Variants in KIF2B observed in about 807,000 individuals in gnomAD.
The protein encoded by KIF2B is kinesin-like protein KIF2B.
KIF2B carries 5 observed loss-of-function variants against 6.8 expected under a neutral mutation model. The observed-to-expected ratio is 0.74, with a 90% CI of 0.39 to 1.55. The LOEUF (loss-of-function observed/expected upper bound fraction) is 1.55. KIF2B is among the 40% of genes most tolerant of loss of function. The probability of loss-of-function intolerance (pLI) is 0.03; values close to 1 mark genes in which losing one functional copy is unlikely to be tolerated. For missense variants in KIF2B, 908 were observed against 831.3 expected, an observed-to-expected ratio of 1.09 and a Z score of -1.13; for synonymous variants, 370 against 330.7, an observed-to-expected ratio of 1.12 and a Z score of -1.29.
rs755087980 is a variant in KIF2B at position 53,823,402 on chromosome 17, C to T, written c.369C>T (p.Asn123=). ...GGGTTGCGATGATCCCCCAGAAAAACCAAACAGCCTCAGGGGACAGCCTGG... is the reference window on the plus strand; with the variant it reads ...GGGTTGCGATGATCCCCCAGAAAAATCAAACAGCCTCAGGGGACAGCCTGG... ...TKWVAMIPQK[N]QTASGDSLDV... Residue 123 remains asparagine (N), a synonymous_variant, in exon 1 of 1, where the codon AAC becomes AAT. Coordinates refer to ENST00000268919, the MANE Select transcript of KIF2B (RefSeq NM_032559.5). 22 of 1,613,972 alleles carry T rather than the reference C, an allele frequency of 1.4e-5. No homozygotes were observed. The highest frequency in any genetic ancestry group is 1.8e-5 in the Non-Finnish European group (21 of 1,180,028).
rs114241810 is a variant in KIF2B at position 53,824,687 on chromosome 17, C to G, written c.1654C>G (p.Arg552Gly). ...AAATGTAGATGTAAGGCCCTACCAT[C>G]GTGGCCACTATCCGATTGGACATGA... ...KLNVDVRPYH[R>G]GHYPIGHEAP... Residue 552 changes from arginine (R) to glycine (G), a missense_variant, in exon 1 of 1, where the codon CGT becomes GGT. Physicochemically the swap from Arg to Gly is moderately radical, Grantham distance 125. Coordinates refer to ENST00000268919, the MANE Select transcript of KIF2B (RefSeq NM_032559.5). 28 of 1,613,980 alleles carry G rather than the reference C, an allele frequency of 1.7e-5. No individual in the cohort carries two copies. The African/African-American group carries it at 3.3e-4, about 19-fold the overall frequency.
Position 53,824,112 on chromosome 17 carries a change from A to G in KIF2B, c.1079A>G (p.Tyr360Cys), listed in dbSNP as rs2143783609. ...GTCTATGGGACATTTTTTGAGATTT[A>G]TGGGGGCAAGGTGTATGATTTGTTG... The part of the protein sequence containing the change: ...LKVYGTFFEI[Y>C]GGKVYDLLNW... Residue 360 changes from tyrosine to cysteine, a missense_variant, in exon 1 of 1, where the codon TAT becomes TGT. Tyr to Cys is a radical substitution (Grantham distance 194). Coordinates refer to ENST00000268919, the MANE Select transcript of KIF2B (RefSeq NM_032559.5). 1.2e-6 allele frequency: 2 copies of G among 1,614,132 alleles called. No homozygotes were observed. Among genetic ancestry groups the G allele is most frequent in the Non-Finnish European group, 1.7e-6 (2 of 1,180,022 alleles).
At position 53,825,146 on chromosome 17, in the gene KIF2B, C is replaced by A; in HGVS notation, c.*91C>A. 1.2e-6 allele frequency: 1 copy of A among 835,306 alleles called. No individual in the cohort carries two copies. Among genetic ancestry groups the A allele is most frequent in the Non-Finnish European group, 1.9e-6 (1 of 528,830 alleles). The allele number at this position is 835,306 out of a possible 1,614,324, so 51.7% of individuals were successfully genotyped here. A position where few individuals can be genotyped will look rare whatever the true frequency, so the allele number is the denominator to read the frequency against. On this transcript the variant is annotated 3_prime_UTR_variant, in exon 1 of 1. Coordinates refer to ENST00000268919, the MANE Select transcript of KIF2B (RefSeq NM_032559.5). ...AAAACTGTCCAAATTATCTAAAGAT[C>A]CTCCTGAGAAGCTTAAAACATCTTA...
rs1906520042 is a variant in KIF2B, at chr17:53,824,793, T to C, written c.1760T>C (p.Val587Ala). The change falls in exon 1 of 1, where the codon GTA becomes GCA. Residue 587 changes from valine to alanine, a missense_variant. Transcript: ENST00000268919. ...QRDEFIKIPY[V>A]QSEEQKEIEE... ...GATGAATTTATTAAAATACCTTATG[T>C]ACAGAGTGAGGAGCAGAAAGAGATT... 1 of 1,614,044 alleles carries C rather than the reference T, an allele frequency of 6.2e-7. No homozygotes were observed. Among genetic ancestry groups the C allele is most frequent in the African/African-American group, 1.3e-5 (1 of 75,042 alleles).
rs780099410 is a variant in KIF2B, at chr17:53,823,391, C to T, written c.358C>T (p.Pro120Ser). The T allele has an allele frequency of 1.9e-6, 3 of 1,614,086 alleles. No homozygotes were observed. In the South Asian group the frequency reaches 3.3e-5, roughly 18 times the overall value. The change falls in exon 1 of 1, where the codon CCC becomes TCC. Residue 120 changes from proline to serine, a missense_variant. Pro to Ser is a moderately conservative substitution (Grantham distance 74). Transcript: ENST00000268919. Reference protein sequence around the residue: ...RTATKWVAMIPQKNQTASGDS... With the variant: ...RTATKWVAMISQKNQTASGDS... ...CGCCACGAAATGGGTTGCGATGATC[C>T]CCCAGAAAAACCAAACAGCCTCAGG...
In KIF2B at chr17:53,824,738, A is replaced by G. The variant is rs1906518192; in HGVS notation, c.1705A>G (p.Ile569Val). The change falls in exon 1 of 1, where the codon ATC becomes GTC. Residue 569 changes from isoleucine to valine, a missense_variant. Transcript: ENST00000268919. ...HEAPRMLKSH[I>V]GNSEMSLQRD... ...GGCACCAAGGATGTTAAAAAGTCACATCGGAAATTCAGAAATGTCCCTTCA... is the reference window on the plus strand; with the variant it reads ...GGCACCAAGGATGTTAAAAAGTCACGTCGGAAATTCAGAAATGTCCCTTCA... The G allele has an allele frequency of 6.2e-7, 1 of 1,614,114 alleles. No individual in the cohort carries two copies. Among genetic ancestry groups the G allele is most frequent in the Non-Finnish European group, 8.5e-7 (1 of 1,180,052 alleles).
rs1906517522 is a variant in KIF2B, at chr17:53,824,718, C to A, written c.1685C>A (p.Pro562Gln). The change falls in exon 1 of 1, where the codon CCA becomes CAA. Residue 562 changes from proline to glutamine, a missense_variant. Pro to Gln is a moderately conservative substitution (Grantham distance 76, BLOSUM62 -1). Transcript: ENST00000268919. ...CACTATCCGATTGGACATGAGGCACCAAGGATGTTAAAAAGTCACATCGGA... is the reference window on the plus strand; with the variant it reads ...CACTATCCGATTGGACATGAGGCACAAAGGATGTTAAAAAGTCACATCGGA... ...RGHYPIGHEAPRMLKSHIGNS... is the reference protein window; with the variant it reads ...RGHYPIGHEAQRMLKSHIGNS... 6.2e-7 allele frequency: 1 copy of A among 1,614,122 alleles called. No homozygotes were observed. The highest frequency in any genetic ancestry group is 1.7e-5 in the Admixed American group (1 of 60,016).
Position 53,823,202 on chromosome 17 carries a change from A to G in KIF2B, c.169A>G (p.Thr57Ala), listed in dbSNP as rs1906448602. The G allele has an allele frequency of 6.2e-7, 1 of 1,614,072 alleles. No individual in the cohort carries two copies. Among genetic ancestry groups the G allele is most frequent in the Non-Finnish European group, 8.5e-7 (1 of 1,180,050 alleles). The part of the protein sequence containing the change: ...TEINRENYWV[T>A]VEWVEKAVKK... ...GATCAACAGAGAAAACTATTGGGTC[A>G]CGGTAGAGTGGGTGGAGAAAGCAGT... The change falls in exon 1 of 1, where the codon ACG (threonine) becomes GCG (alanine). Residue 57 changes from threonine (T) to alanine (A), a missense_variant. Transcript: ENST00000268919.
Position 53,824,143 on chromosome 17 carries a change from G to A in KIF2B, c.1110G>A (p.Trp370Ter), listed in dbSNP as rs1278161037. ...YGGKVYDLLN[W>*]KKKLQVLEDG... ...GCAAGGTGTATGATTTGTTGAACTG[G>A]AAGAAGAAGCTGCAAGTCCTTGAGG... The change falls in exon 1 of 1, where the codon TGG becomes TGA. Residue 370 changes from tryptophan to a stop codon, truncating the protein, a stop_gained. Transcript: ENST00000268919. LOFTEE classifies it low-confidence loss of function (END_TRUNC). 1 of 1,614,230 alleles carries A rather than the reference G, an allele frequency of 6.2e-7. No homozygotes were observed. The highest frequency in any genetic ancestry group is 8.5e-7 in the Non-Finnish European group (1 of 1,180,036).
Position 53,824,488 on chromosome 17 carries a change from G to A in KIF2B, c.1455G>A (p.Leu485=). ...LLALKECILA[L]GQNKPHTPFR... ...CCCTCAAAGAATGTATTCTGGCTTTGGGTCAGAACAAGCCTCACACCCCAT... is the reference window on the plus strand; with the variant it reads ...CCCTCAAAGAATGTATTCTGGCTTTAGGTCAGAACAAGCCTCACACCCCAT... Residue 485 remains leucine, a synonymous_variant, in exon 1 of 1, where the codon TTG becomes TTA. Transcript: ENST00000268919. The A allele has an allele frequency of 1.2e-6, 2 of 1,614,110 alleles. No homozygotes were observed. The highest frequency in any genetic ancestry group is 4.5e-5 in the East Asian group (2 of 44,866).
At position 53,824,806 on chromosome 17, in the gene KIF2B, G is replaced by A. The variant is rs1906520671; in HGVS notation, c.1773G>A (p.Glu591=). The part of the protein sequence containing the change: ...FIKIPYVQSE[E]QKEIEEVETL... ...AAATACCTTATGTACAGAGTGAGGA[G>A]CAGAAAGAGATTGAAGAGGTTGAAA... The change falls in exon 1 of 1, where the codon GAG becomes GAA. Residue 591 remains glutamate (E), a synonymous_variant. Transcript: ENST00000268919. 3 of 1,613,818 alleles carry A rather than the reference G, an allele frequency of 1.9e-6. No homozygotes were observed. The highest frequency in any genetic ancestry group is 2.5e-6 in the Non-Finnish European group (3 of 1,179,902).
In KIF2B at chr17:53,823,351, C is replaced by A. The variant is rs1348785109; in HGVS notation, c.318C>A (p.Ile106=). Reference sequence around the variant, plus strand: ...TGGCTCTGGCGCCCTCTTCGGCCATCAGGGACCAGCGTACCGCCACGAAAT... The same window carrying A: ...TGGCTCTGGCGCCCTCTTCGGCCATAAGGGACCAGCGTACCGCCACGAAAT... ...SPLALAPSSA[I]RDQRTATKWV... The change falls in exon 1 of 1, where the codon ATC becomes ATA. Residue 106 remains isoleucine (I), a synonymous_variant. Coordinates refer to ENST00000268919, the MANE Select transcript of KIF2B (RefSeq NM_032559.5). The A allele has an allele frequency of 6.2e-7, 1 of 1,614,112 alleles. No homozygotes were observed. Among genetic ancestry groups the A allele is most frequent in the Non-Finnish European group, 8.5e-7 (1 of 1,180,028 alleles).
Position 53,824,974 on chromosome 17 carries a change from G to T in KIF2B, c.1941G>T (p.Gln647His). The T allele has an allele frequency of 6.2e-7, 1 of 1,614,068 alleles. No homozygotes were observed. The highest frequency in any genetic ancestry group is 8.5e-7 in the Non-Finnish European group (1 of 1,180,028). Residue 647 changes from glutamine (Q) to histidine (H), a missense_variant, in exon 1 of 1, where the codon CAG (glutamine) becomes CAT (histidine). By Grantham distance (24) the Gln-to-His change is conservative. Transcript: ENST00000268919. The stretch of plus-strand genomic sequence containing the variant: ...CCCGGTCTTTGTCCATTTTGGAGCA[G>T]AAAATTGATGCTCTGACCGAGATCC... The part of the protein sequence containing the change: ...CIARSLSILE[Q>H]KIDALTEIQK...
rs200288749 is a variant in KIF2B, at chr17:53,824,318, T to A, written c.1285T>A (p.Phe429Ile). The A allele has an allele frequency of 1.9e-6, 3 of 1,614,120 alleles. No homozygotes were observed. Among genetic ancestry groups the A allele is most frequent in the Non-Finnish European group, 2.5e-6 (3 of 1,180,024 alleles). Residue 429 changes from phenylalanine (F) to isoleucine (I), a missense_variant, in exon 1 of 1, where the codon TTC becomes ATC. Phe to Ile is a conservative substitution (Grantham distance 21, BLOSUM62 0). Transcript: ENST00000268919. ...TCACTCATCCAGGAGCCATGCAGTGTTCCAGATCATCCTGAAGTCAGGACG... is the reference window on the plus strand; with the variant it reads ...TCACTCATCCAGGAGCCATGCAGTGATCCAGATCATCCTGAAGTCAGGACG... ...NAHSSRSHAV[F>I]QIILKSGRIM...
At position 53,823,253 on chromosome 17, in the gene KIF2B, G is replaced by C. The variant is rs1402064719; in HGVS notation, c.220G>C (p.Glu74Gln). 6.2e-7 allele frequency: 1 copy of C among 1,614,056 alleles called. No homozygotes were observed. Among genetic ancestry groups the C allele is most frequent in the Non-Finnish European group, 8.5e-7 (1 of 1,180,048 alleles). ...CAAAAAAGGCAAGAAGATTGACCTG[G>C]AGACCATACTCCTGCTGAATCCAGC... ...AVKKGKKIDL[E>Q]TILLLNPALD... The change falls in exon 1 of 1, where the codon GAG (glutamate) becomes CAG (glutamine). Residue 74 changes from glutamate (E) to glutamine (Q), a missense_variant. Coordinates refer to ENST00000268919, the MANE Select transcript of KIF2B (RefSeq NM_032559.5).
chr17:53,825,108 A>G lies in KIF2B; in HGVS notation c.*53A>G. On this transcript the variant is annotated 3_prime_UTR_variant, in exon 1 of 1. Coordinates refer to ENST00000268919, the MANE Select transcript of KIF2B (RefSeq NM_032559.5). ...ATGCTGCATTGCTGCAGTTTCCACC[A>G]CTCTTATACAGGAAAACTGTCCAAA... 1 of 1,287,628 alleles carries G rather than the reference A, an allele frequency of 7.8e-7. No individual in the cohort carries two copies. Among genetic ancestry groups the G allele is most frequent in the Non-Finnish European group, 1.1e-6 (1 of 928,292 alleles). The allele number at this position is 1,287,628 out of a possible 1,614,324, so 79.8% of individuals were successfully genotyped here. A position where few individuals can be genotyped will look rare whatever the true frequency, so the allele number is the denominator to read the frequency against.
chr17:53,824,034 AGGAT>A lies in KIF2B; in HGVS notation c.1003_1006del (p.Asp335SerfsTer33). On this transcript the variant is annotated frameshift_variant, in exon 1 of 1. Coordinates refer to ENST00000268919, the MANE Select transcript of KIF2B (RefSeq NM_032559.5). LOFTEE classifies it low-confidence loss of function (END_TRUNC). ...AAGGGCATTTATGCTCTGGTGGCAC[AGGAT>A]GTCTTTCTCCTGCTCAGAAACTCCA... The A allele has an allele frequency of 6.2e-7, 1 of 1,614,234 alleles. No homozygotes were observed. Among genetic ancestry groups the A allele is most frequent in the East Asian group, 2.2e-5 (1 of 44,872 alleles).
At position 53,823,838 on chromosome 17, in the gene KIF2B, G is replaced by A. The variant is rs1260071667; in HGVS notation, c.805G>A (p.Ala269Thr). Residue 269 changes from alanine to threonine, a missense_variant, in exon 1 of 1, where the codon GCC becomes ACC. Physicochemically the swap from Ala to Thr is moderately conservative, Grantham distance 58. Coordinates refer to ENST00000268919, the MANE Select transcript of KIF2B (RefSeq NM_032559.5). ...LQNQTFCFDH[A>T]FDDKASNELV... ...GAACCAGACCTTCTGCTTCGACCAT[G>A]CCTTCGATGACAAAGCCTCCAACGA... 3 of 1,614,112 alleles carry A rather than the reference G, an allele frequency of 1.9e-6. No individual in the cohort carries two copies. Among genetic ancestry groups the A allele is most frequent in the Non-Finnish European group, 2.5e-6 (3 of 1,180,060 alleles).
rs779614905 is a variant in KIF2B, at chr17:53,825,062, TG to T, written c.*9del. On this transcript the variant is annotated 3_prime_UTR_variant, in exon 1 of 1. Transcript: ENST00000268919. ...GAAGAGCAAGGTAGAGTGAAGCCAA[TG>T]GCGAGAGATCAGGTCCGAAATGCTG... The T allele has an allele frequency of 6.3e-7, 1 of 1,591,580 alleles. No homozygotes were observed. The highest frequency in any genetic ancestry group is 8.6e-7 in the Non-Finnish European group (1 of 1,167,816).
Sources: allele counts gnomAD v4.1 joint callset, GRCh38; gene constraint gnomAD v4.1.1; transcripts MANE v1.5; gene names NCBI Gene and HGNC (gene_info 2026-07-23, HGNC 2026-07-21).